SRPK1: variants seen among roughly 807,000 people sequenced by gnomAD.
The protein encoded by SRPK1 is SRSF protein kinase 1.
Under a neutral mutation model 89.5 loss-of-function variants are expected in SRPK1, and 52 were observed. That is an observed-to-expected ratio of 0.58 (90% CI 0.46 to 0.73). SRPK1 has a LOEUF of 0.73. Among genes scored for constraint, SRPK1 ranks in the 30% least tolerant of loss-of-function variants. The pLI, the probability that SRPK1 is intolerant of heterozygous loss-of-function variation, is 0.00. For synonymous variants in SRPK1, 255 were observed against 270.2 expected (o/e 0.94, Z 0.55); for missense variants, 603 against 780.6 (o/e 0.77, Z 2.71).
intron 14 of SRPK1, among the ~76,000 whole-genome samples, chr6:35,841,130 A>G (rs1769296900): frequency 6.6e-6 from 1 of 152,160 alleles, no homozygotes; most frequent in African/African-American, 2.4e-5. Flanking sequence ...CTGTAAGCCT[A>G]TAACCCTAAA....
At chr6:35,912,309 C>G (rs1770987928) in intron 2 of SRPK1, among the ~76,000 whole-genome samples, 1 of 152,174 alleles carries the variant, frequency 6.6e-6, no homozygotes. Context: ...TATGATAGCA[C>G]CACTGCACTC....
intron 12 of SRPK1, among the ~76,000 whole-genome samples, chr6:35,862,281 C>T (rs1221618832): frequency 1.3e-5 from 2 of 152,084 alleles, no homozygotes; most frequent in Non-Finnish European, 1.5e-5. Context: ...AACAGGAACA[C>T]TCAGCCCACT....
intron 13 of SRPK1, among the ~76,000 whole-genome samples, chr6:35,854,752 A>G (rs1265039162): frequency 3.9e-5 from 6 of 152,102 alleles, no homozygotes; most frequent in Non-Finnish European, 8.8e-5. Context: ...TAAACAACTA[A>G]TCCACTACTA....
chr6:35,889,219 T>C (rs1770469093), intron 3 of SRPK1, among the ~76,000 whole-genome samples: 1 of 152,106 alleles, frequency 6.6e-6, no homozygotes, highest in African/African-American at 2.4e-5. Flanking sequence ...CTCTCAATAA[T>C]TCAATAGGTT....
intron 8 of SRPK1, 26 bp from the exon 9 acceptor site, chr6:35,870,985 G>T: frequency 6.2e-7 from 1 of 1,602,864 alleles, no homozygotes; most frequent in South Asian, 1.1e-5. Flanking sequence ...AACCAAGTAA[G>T]AATTCTGGCA....
chr6:35,908,123 T>C (rs117972051), intron 2 of SRPK1, among the ~76,000 whole-genome samples: 3 of 152,324 alleles, frequency 2.0e-5, no homozygotes, highest in East Asian at 3.9e-4. Context: ...TAGTATTCTT[T>C]ATAGCAGTGT....
chr6:35,833,625 C>CT lies in SRPK1; in HGVS notation c.*1678_*1679insA, dbSNP rs747135002. 6 of 152,628 alleles carry CT rather than the reference C, an allele frequency of 3.9e-5. No homozygotes were observed. Among genetic ancestry groups the CT allele is most frequent in the Non-Finnish European group, 8.8e-5 (6 of 68,042 alleles). 9.5% of individuals were successfully genotyped at this position (152,628 alleles called of 1,614,324 possible). A position where few individuals can be genotyped will look rare whatever the true frequency, so the allele number is the denominator to read the frequency against. On this transcript the variant is annotated 3_prime_UTR_variant, in exon 16 of 16. Coordinates refer to ENST00000373825, the MANE Select transcript of SRPK1 (RefSeq NM_003137.5). ...CTTTCTACAGGAACATGTCTGATTT[C>CT]AGGAGTACCCAATGAAGGATCCGAT...
chr6:35,910,162 T>C (rs1177979935), intron 2 of SRPK1, among the ~76,000 whole-genome samples: 1 of 152,164 alleles, frequency 6.6e-6, no homozygotes, highest in African/African-American at 2.4e-5. Flanking sequence ...TTTGTATTTT[T>C]AGTAGAGACG....
At chr6:35,915,406 C>CAAAAAAAAA (rs560685673) in intron 2 of SRPK1, among the ~76,000 whole-genome samples, 2 of 73,904 alleles carry the variant, frequency 2.7e-5, no homozygotes, top group Non-Finnish European at 5.0e-5. Context: ...GACACCGTCT[C>CAAAAAAAAA]AAAAAAAAAA....
chr6:35,872,692 G>A lies in SRPK1; in HGVS notation c.622C>T (p.Arg208Cys), dbSNP rs375747918. ...QGLDYLHTKC[R>C]IIHTDIKPEN... Reference sequence around the variant, plus strand: ...GGTTTAATGTCAGTGTGGATGATACGGCACTTGGTATGTAAATAATCAAGA... The same window carrying A: ...GGTTTAATGTCAGTGTGGATGATACAGCACTTGGTATGTAAATAATCAAGA... Residue 208 changes from arginine (R) to cysteine (C), a missense_variant, in exon 8 of 16, where the codon CGT (arginine) becomes TGT (cysteine). Coordinates refer to ENST00000373825, the MANE Select transcript of SRPK1 (RefSeq NM_003137.5). The A allele has an allele frequency of 5.6e-6, 9 of 1,609,020 alleles. No homozygotes were observed. Among genetic ancestry groups the A allele is most frequent in the South Asian group, 2.2e-5 (2 of 89,650 alleles).
intron 2 of SRPK1, among the ~76,000 whole-genome samples, chr6:35,917,540 T>C (rs186197609): frequency 8.7e-4 from 133 of 152,326 alleles, no homozygotes; most frequent in Admixed American, 4.4e-3. Flanking sequence ...TAAGAAAATT[T>C]AAAATCCCAA....
Position 35,886,672 on chromosome 6 carries a change from C to A in SRPK1, c.478+52G>T, listed in dbSNP as rs1770415303. On this transcript the variant is annotated intron_variant, in intron 6 of 15. Coordinates refer to ENST00000373825, the MANE Select transcript of SRPK1 (RefSeq NM_003137.5). ...GCCATCTACACAACAAATCTAGTTC[C>A]TTTCTTTGGGATTGGGATGATTTAT... The A allele has an allele frequency of 2.6e-6, 3 of 1,143,658 alleles. No individual in the cohort carries two copies. The South Asian group carries it at 3.9e-5, about 15-fold the overall frequency. The allele number at this position is 1,143,658 out of a possible 1,614,324, so 70.8% of individuals were successfully genotyped here. A position where few individuals can be genotyped will look rare whatever the true frequency, so the allele number is the denominator to read the frequency against.
At chr6:35,915,930 C>A (rs1248883450) in intron 2 of SRPK1, among the ~76,000 whole-genome samples, 1 of 144,086 alleles carries the variant, frequency 6.9e-6, no homozygotes, top group African/African-American at 2.7e-5. Context: ...CGAGATTGCA[C>A]CACTGAACTC....
At position 35,888,887 on chromosome 6, in the gene SRPK1, T is replaced by A; in HGVS notation, c.230A>T (p.Asn77Ile). The change falls in exon 4 of 16, where the codon AAT becomes ATT. Residue 77 changes from asparagine (N) to isoleucine (I), a missense_variant. Physicochemically the swap from Asn to Ile is moderately radical, Grantham distance 149. Transcript: ENST00000373825. ...CTTTCGGATCACATGGTATCTCCCA[T>A]TGAATAGATCTCCAATTTTCACAAG... Reference protein sequence around the residue: ...YHLVKIGDLFNGRYHVIRKLG... With the variant: ...YHLVKIGDLFIGRYHVIRKLG... The A allele has an allele frequency of 1.2e-6, 2 of 1,613,262 alleles. No homozygotes were observed. Among genetic ancestry groups the A allele is most frequent in the Non-Finnish European group, 1.7e-6 (2 of 1,179,378 alleles).
chr6:35,898,718 C>T (rs1270688190), intron 2 of SRPK1, among the ~76,000 whole-genome samples: 10 of 151,964 alleles, frequency 6.6e-5, no homozygotes, highest in Admixed American at 2.0e-4. Flanking sequence ...GGCAACAGAA[C>T]GAGACTCCAT....
At position 35,913,227 on chromosome 6, in the gene SRPK1, T is replaced by G. The variant is rs570169958; in HGVS notation, c.74+7241A>C. Among the ~76,000 whole-genome samples, 3 of 152,314 alleles carry G rather than the reference T, an allele frequency of 2.0e-5. No individual in the cohort carries two copies. In the South Asian group the frequency reaches 6.2e-4, roughly 32 times the overall value. ...AAACACTAATGTAAATAAAACTTACTAACCAATGAAACTACAGAGGAAGAA... is the reference window on the plus strand; with the variant it reads ...AAACACTAATGTAAATAAAACTTACGAACCAATGAAACTACAGAGGAAGAA... On this transcript the variant is annotated intron_variant, in intron 2 of 15. Coordinates refer to ENST00000373825, the MANE Select transcript of SRPK1 (RefSeq NM_003137.5).
chr6:35,858,614 C>T (rs931286485), intron 12 of SRPK1, among the ~76,000 whole-genome samples: 1 of 152,162 alleles, frequency 6.6e-6, no homozygotes, highest in Non-Finnish European at 1.5e-5. Flanking sequence ...TCTACAAAGC[C>T]AACTGAGAGT....
chr6:35,915,491 G>A (rs1470071836), intron 2 of SRPK1, among the ~76,000 whole-genome samples: 1 of 151,170 alleles, frequency 6.6e-6, no homozygotes, highest in Non-Finnish European at 1.5e-5. Context: ...TATACCATTC[G>A]AAGTATTTAT....
At chr6:35,851,260 T>C (rs1031410364) in intron 13 of SRPK1, among the ~76,000 whole-genome samples, 17 of 152,018 alleles carry the variant, frequency 1.1e-4, no homozygotes, top group Admixed American at 3.3e-4. Context: ...CTGCAATCTC[T>C]GCCTCCTGGG....
Sources: gnomAD v4.1 joint callset for allele counts (sites outside exome capture counted in the v4.1 genomes callset) on GRCh38, gnomAD v4.1.1 for gene constraint, MANE v1.5 for transcripts, NCBI Gene and HGNC (gene_info 2026-07-23, HGNC 2026-07-21) for gene names.